The following RIC1 variants were observed in gnomAD, a reference collection of about 807,000 sequenced individuals.
RIC1 encodes guanine nucleotide exchange factor subunit RIC1.
A neutral mutation model predicts 169.0 loss-of-function variants in RIC1; 88 were observed. The observed-to-expected ratio is 0.52, with a 90% confidence interval of 0.44 to 0.62. The LOEUF (loss-of-function observed/expected upper bound fraction) is 0.62, where lower values mean the gene tolerates loss of function less well. Ranked by LOEUF, RIC1 falls within the 20% of genes least tolerant of loss-of-function variation. The pLI is 0.00. For synonymous variants in RIC1, 790 were observed against 601.5 expected (o/e 1.31, Z -4.59); for missense variants, 1,877 against 1,725.5 (o/e 1.09, Z -1.56).
chr9:5,662,769 A>AT (rs1015382275), intron 2 of RIC1, among the ~76,000 whole-genome samples: 1 of 152,008 alleles, frequency 6.6e-6, no homozygotes, highest in African/African-American at 2.4e-5. Flanking sequence ...TATTCTATTA[A>AT]TTTTTTTAAA....
At chr9:5,632,337 A>G (rs746723364) in intron 1 of RIC1, among the ~76,000 whole-genome samples, 2 of 152,234 alleles carry the variant, frequency 1.3e-5, no homozygotes, top group South Asian at 2.1e-4. Flanking sequence ...CTGAATCTCT[A>G]TTAAAATCTC....
intron 4 of RIC1, among the ~76,000 whole-genome samples, chr9:5,715,665 C>A (rs1823190343): frequency 6.6e-6 from 1 of 152,154 alleles, no homozygotes; most frequent in Non-Finnish European, 1.5e-5. Context: ...GGTAAGAGTA[C>A]TATCTCATCT....
intron 2 of RIC1, among the ~76,000 whole-genome samples, chr9:5,685,129 A>G (rs1455686410): frequency 1.3e-5 from 2 of 151,768 alleles, no homozygotes; most frequent in Admixed American, 1.3e-4. Context: ...ATAAAAGAGG[A>G]TACAAACAAA....
At chr9:5,737,424 G>A (rs1053377545) in intron 7 of RIC1, among the ~76,000 whole-genome samples, 4 of 152,044 alleles carry the variant, frequency 2.6e-5, no homozygotes, top group African/African-American at 9.7e-5. Context: ...GAAGCCTCCT[G>A]TTTACCCCTC....
chr9:5,645,267 G>T (rs1459954317), intron 1 of RIC1, among the ~76,000 whole-genome samples: 3 of 152,076 alleles, frequency 2.0e-5, no homozygotes, highest in Non-Finnish European at 4.4e-5. Context: ...GCCCAGGCTG[G>T]TCTTAAACTC....
intron 1 of RIC1, among the ~76,000 whole-genome samples, chr9:5,641,703 A>G (rs1202566716): frequency 8.6e-6 from 1 of 115,900 alleles, no homozygotes; most frequent in East Asian, 1.9e-4. Context: ...TCTGCTTTTC[A>G]GAGACTCTGA....
intron 1 of RIC1, among the ~76,000 whole-genome samples, chr9:5,651,876 C>G (rs1172745668): frequency 3.9e-5 from 6 of 152,056 alleles, no homozygotes. Context: ...CCTCTTTAAT[C>G]TATTTTGAAA....
intron 3 of RIC1, among the ~76,000 whole-genome samples, chr9:5,710,141 A>T (rs59447955): frequency 0.022 from 3,426 of 152,304 alleles, 130 homozygotes; most frequent in African/African-American, 0.077. Context: ...CAGGATACTG[A>T]TAAAAAGCAC....
chr9:5,775,488 T>C lies in RIC1; in HGVS notation c.*1242T>C, dbSNP rs1827532105. The C allele has an allele frequency of 6.6e-6, 1 of 152,222 alleles. No individual in the cohort carries two copies. The highest frequency in any genetic ancestry group is 2.4e-5 in the African/African-American group (1 of 41,464). The allele number at this position is 152,222 out of a possible 1,614,324, so 9.4% of individuals were successfully genotyped here. On this transcript the variant is annotated 3_prime_UTR_variant, in exon 26 of 26. Coordinates refer to ENST00000414202, the MANE Select transcript of RIC1 (RefSeq NM_020829.4). ...TGTGCAATTTGAACAAGGAATGCAA[T>C]GTTATTTTTTACAAAAAACAAACTT...
downstream of RIC1, among the ~76,000 whole-genome samples, chr9:5,777,300 ATTCAAGTTTTTTTTTTTAAGTAATG>A (rs1028747011): frequency 6.6e-6 from 1 of 151,212 alleles, no homozygotes; most frequent in African/African-American, 2.4e-5. Flanking sequence ...AGGTTTCAAT[ATTCAAGTTTTTTTTTTTAAGTAATG>A]TTAATTACAG....
chr9:5,762,716 T>C, intron 18 of RIC1, 56 bp downstream of exon 18: 6 of 1,560,462 alleles, frequency 3.8e-6, no homozygotes, highest in Non-Finnish European at 5.2e-6. Context: ...GGGATGAGGA[T>C]GAAGGAATGA....
intron 6 of RIC1, among the ~76,000 whole-genome samples, chr9:5,731,430 T>G (rs1824365745): frequency 6.6e-6 from 1 of 152,296 alleles, no homozygotes; most frequent in South Asian, 2.1e-4. Flanking sequence ...TAGCTGATTG[T>G]GGAATTAAAT....
At chr9:5,651,027 C>T (rs1451767060) in intron 1 of RIC1, among the ~76,000 whole-genome samples, 1 of 152,148 alleles carries the variant, frequency 6.6e-6, no homozygotes, top group South Asian at 2.1e-4. Flanking sequence ...GTTTAGGTCT[C>T]ATGCAGGTGG....
At chr9:5,718,765 A>C (rs1347703683) in intron 4 of RIC1, among the ~76,000 whole-genome samples, 2 of 152,200 alleles carry the variant, frequency 1.3e-5, no homozygotes, top group African/African-American at 2.4e-5. Context: ...ATGTCTAAAA[A>C]CTGGGAATTT....
chr9:5,653,404 T>G (rs1231913391), intron 1 of RIC1, among the ~76,000 whole-genome samples: 1 of 152,134 alleles, frequency 6.6e-6, no homozygotes, highest in African/African-American at 2.4e-5. Context: ...AAGTTGCTAG[T>G]CTTGGTCTTT....
chr9:5,701,383 G>A (rs1014508803), intron 3 of RIC1, among the ~76,000 whole-genome samples: 7 of 152,056 alleles, frequency 4.6e-5, no homozygotes, highest in African/African-American at 1.7e-4. Context: ...GGCCCAAGGC[G>A]GGTGGATCAC....
chr9:5,756,365 T>C lies in RIC1; in HGVS notation c.1846T>C (p.Ser616Pro). The change falls in exon 16 of 26, where the codon TCT becomes CCT. Residue 616 changes from serine to proline, a missense_variant. Coordinates refer to ENST00000414202, the MANE Select transcript of RIC1 (RefSeq NM_020829.4). Reference protein sequence around the residue: ...SICLYSIERKSDGPNTTAGIQ... With the variant: ...SICLYSIERKPDGPNTTAGIQ... Reference sequence around the variant, plus strand: ...ATGCCTTTACAGTATTGAAAGAAAATCTGATGGGTAAGTATCTGGCATATG... The same window carrying C: ...ATGCCTTTACAGTATTGAAAGAAAACCTGATGGGTAAGTATCTGGCATATG... 1 of 1,470,072 alleles carries C rather than the reference T, an allele frequency of 6.8e-7. No individual in the cohort carries two copies. Among genetic ancestry groups the C allele is most frequent in the Non-Finnish European group, 9.1e-7 (1 of 1,096,098 alleles). The allele number at this position is 1,470,072 out of a possible 1,614,324, so 91.1% of individuals were successfully genotyped here. A position where few individuals can be genotyped will look rare whatever the true frequency, so the allele number is the denominator to read the frequency against.
intron 7 of RIC1, among the ~76,000 whole-genome samples, 156 bp downstream of exon 7, chr9:5,732,635 A>C (rs1295373183): frequency 6.6e-6 from 1 of 152,130 alleles, no homozygotes; most frequent in Non-Finnish European, 1.5e-5. Context: ...AAAGTATTTT[A>C]TTAGATTGAA....
At chr9:5,739,345 GAATCCCTACTTAGTGGGCCC>G (rs1824924415) in intron 8 of RIC1, among the ~76,000 whole-genome samples, 1 of 152,134 alleles carries the variant, frequency 6.6e-6, no homozygotes, top group South Asian at 2.1e-4. Context: ...TTTAAATGCA[GAATCCCTACTTAGTGGGCCC>G]AAATCAATAA....
Sources: allele counts gnomAD v4.1 joint callset (sites outside exome capture counted in the v4.1 genomes callset), GRCh38; gene constraint gnomAD v4.1.1; transcripts MANE v1.5; gene names NCBI Gene and HGNC (gene_info 2026-07-23, HGNC 2026-07-21).